CACNA1G: variants seen among roughly 807,000 people sequenced by gnomAD.
CACNA1G encodes the protein calcium voltage-gated channel subunit alpha1 G.
In CACNA1G, 67 loss-of-function variants were observed where a neutral mutation model predicts 219.4. That is an observed-to-expected ratio of 0.31 (90% CI 0.25 to 0.37). CACNA1G has a LOEUF of 0.37. Among genes scored for constraint, CACNA1G ranks in the 10% least tolerant of loss-of-function variants. The pLI is 1.00. For missense variants in CACNA1G, 2,380 were observed against 3,231.4 expected, an observed-to-expected ratio of 0.74 and a Z score of 6.39; for synonymous variants, 1,296 against 1,345.3, an observed-to-expected ratio of 0.96 and a Z score of 0.80.
chr17:50,587,578 G>A (rs779073592), intron 9 of CACNA1G, among the ~76,000 whole-genome samples: 1 of 152,214 alleles, frequency 6.6e-6, no homozygotes, highest in Non-Finnish European at 1.5e-5. Context: ...TTTTTCCATG[G>A]CTCACTGGAG....
intron 23 of CACNA1G, 63 bp from the exon 24 acceptor site, chr17:50,606,837 G>A: frequency 8.2e-7 from 1 of 1,225,102 alleles, no homozygotes. Context: ...TTGGGGGCAG[G>A]TGATAGGTGA....
At position 50,599,507 on chromosome 17, in the gene CACNA1G, T is replaced by C; in HGVS notation, c.3338T>C (p.Leu1113Pro). Residue 1113 changes from leucine (L) to proline (P), a missense_variant, in exon 17 of 38, where the codon CTC becomes CCC. This residue lies in a region of CACNA1G where 418 missense variants were observed against 434.3 expected (regional missense o/e 0.96). Coordinates refer to ENST00000359106, the MANE Select transcript of CACNA1G (RefSeq NM_018896.5). The part of the protein sequence containing the change: ...WTSRRSSRNS[L>P]GRAPSLKRRS... Reference sequence around the variant, plus strand: ...AGCAGGCGCTCCAGCCGGAACAGCCTCGGCCGTGCACCCAGCCTGAAGCGG... The same window carrying C: ...AGCAGGCGCTCCAGCCGGAACAGCCCCGGCCGTGCACCCAGCCTGAAGCGG... 1 of 1,606,350 alleles carries C rather than the reference T, an allele frequency of 6.2e-7. No individual in the cohort carries two copies. Among genetic ancestry groups the C allele is most frequent in the Non-Finnish European group, 8.5e-7 (1 of 1,176,906 alleles).
At position 50,607,934 on chromosome 17, in the gene CACNA1G, C is replaced by A; in HGVS notation, c.4620C>A (p.Phe1540Leu). The A allele has an allele frequency of 6.2e-7, 1 of 1,613,996 alleles. No individual in the cohort carries two copies. Among genetic ancestry groups the A allele is most frequent in the South Asian group, 1.1e-5 (1 of 91,086 alleles). ...NMFVGVVVEN[F>L]HKCRQHQEEE... The stretch of plus-strand genomic sequence containing the variant: ...TTGTGGGTGTGGTGGTGGAGAACTT[C>A]CACAAGTGTCGGCAGCACCAGGAGG... The change falls in exon 25 of 38, where the codon TTC becomes TTA. Residue 1540 changes from phenylalanine to leucine, a missense_variant. Phe to Leu is a conservative substitution (Grantham distance 22). Around this residue, in one of 17 missense-constraint regions of CACNA1G, gnomAD observed 153 missense variants for 374.9 expected, o/e 0.41. Coordinates refer to ENST00000359106, the MANE Select transcript of CACNA1G (RefSeq NM_018896.5).
At position 50,618,253 on chromosome 17, in the gene CACNA1G, G is replaced by A. The variant is rs755721759; in HGVS notation, c.5337G>A (p.Leu1779=). The part of the protein sequence containing the change: ...ECDETHPCEG[L]GRHATFRNFG... ...ACGAGACACACCCCTGTGAGGGCCT[G>A]GGCCGTCATGCCACCTTTCGGAACT... The change falls in exon 32 of 38, where the codon CTG becomes CTA. Residue 1779 remains leucine, a synonymous_variant. Transcript: ENST00000359106. The surrounding 1 kb of genome is among the most constrained non-coding windows in gnomAD (Gnocchi z 5.3). 6.2e-6 allele frequency: 10 copies of A among 1,613,792 alleles called. No homozygotes were observed. The African/African-American group carries it at 9.3e-5, about 15-fold the overall frequency.
chr17:50,606,895 A>C lies in CACNA1G; in HGVS notation c.4423-5A>C. 1 of 1,610,614 alleles carries C rather than the reference A, an allele frequency of 6.2e-7. No homozygotes were observed. Among genetic ancestry groups the C allele is most frequent in the South Asian group, 1.1e-5 (1 of 90,944 alleles). Reference sequence around the variant, plus strand: ...CAAATGTCTCCTTCTCCTCCTCCCCATCAGGCCCTGATGTCCCTGTTCGTT... The same window carrying C: ...CAAATGTCTCCTTCTCCTCCTCCCCCTCAGGCCCTGATGTCCCTGTTCGTT... On this transcript the variant is annotated splice_region_variant and splice_polypyrimidine_tract_variant and intron_variant, in intron 23 of 37. Transcript: ENST00000359106.
intron 37 of CACNA1G, among the ~76,000 whole-genome samples, chr17:50,625,798 G>A (rs917148313): frequency 2.0e-5 from 3 of 152,154 alleles, no homozygotes; most frequent in Non-Finnish European, 4.4e-5. Flanking sequence ...ATGGGGGAGG[G>A]AAGACAGGGT....
At position 50,603,283 on chromosome 17, in the gene CACNA1G, C is replaced by A; in HGVS notation, c.4169+84C>A. 7.8e-7 allele frequency: 1 copy of A among 1,277,666 alleles called. No individual in the cohort carries two copies. Among genetic ancestry groups the A allele is most frequent in the Non-Finnish European group, 1.1e-6 (1 of 921,626 alleles). The allele number at this position is 1,277,666 out of a possible 1,614,324, so 79.1% of individuals were successfully genotyped here. On this transcript the variant is annotated intron_variant, in intron 21 of 37. Transcript: ENST00000359106. The surrounding 1 kb of genome is among the most constrained non-coding windows in gnomAD (Gnocchi z 6.4). ...CTCCCACCGCCAGCACTCCCTGCCA[C>A]GAAACAAAAGCCTGCACAGGCCAGC... is the stretch of plus-strand genomic sequence containing the variant.
rs1445916904 is a variant in CACNA1G, at chr17:50,596,004, G to C, written c.2980-558G>C. Among the ~76,000 whole-genome samples the C allele has an allele frequency of 6.6e-6, 1 of 152,158 alleles. No individual in the cohort carries two copies. The highest frequency in any genetic ancestry group is 1.5e-5 in the Non-Finnish European group (1 of 68,030). On this transcript the variant is annotated intron_variant, in intron 14 of 37. Coordinates refer to ENST00000359106, the MANE Select transcript of CACNA1G (RefSeq NM_018896.5). This position sits in a 1 kb window ranked among gnomAD's most constrained non-coding sequence, Gnocchi z 4.8. ...AGAGACAGGGAGAGAGGTAAAAATG[G>C]GGCCAGGGAGGGGGCCGGGACTTGG...
Position 50,602,737 on chromosome 17 carries a change from G to A in CACNA1G, c.3916-83G>A, listed in dbSNP as rs192987659. 1.0e-5 allele frequency: 13 copies of A among 1,247,722 alleles called. No individual in the cohort carries two copies. In the East Asian group the frequency reaches 2.4e-4, roughly 23 times the overall value. The allele number at this position is 1,247,722 out of a possible 1,614,324, so 77.3% of individuals were successfully genotyped here. A position where few individuals can be genotyped will look rare whatever the true frequency, so the allele number is the denominator to read the frequency against. ...TTTCTGAGTCAAATGTTAGAAGCAG[G>A]TTTTGACTTGTGTATGCAGAGCAGA... On this transcript the variant is annotated intron_variant, in intron 19 of 37. Transcript: ENST00000359106.
intron 9 of CACNA1G, among the ~76,000 whole-genome samples, chr17:50,586,667 A>G (rs1198492474): frequency 6.6e-6 from 1 of 152,194 alleles, no homozygotes; most frequent in East Asian, 1.9e-4. Context: ...TACCCTGTTT[A>G]ACAGAAGAGG....
chr17:50,595,447 C>T (rs531244337), intron 14 of CACNA1G, among the ~76,000 whole-genome samples: 29 of 152,362 alleles, frequency 1.9e-4, no homozygotes, highest in Admixed American at 1.8e-3. Context: ...AAGATCTGGC[C>T]GTAGACCATA....
rs2048289194 is a variant in CACNA1G at position 50,607,952 on chromosome 17, C to G, written c.4638C>G (p.His1546Gln). 3 of 1,613,800 alleles carry G rather than the reference C, an allele frequency of 1.9e-6. No individual in the cohort carries two copies. Among genetic ancestry groups the G allele is most frequent in the Non-Finnish European group, 2.5e-6 (3 of 1,179,846 alleles). ...VVENFHKCRQ[H>Q]QEEEEARRRE... ...AGAACTTCCACAAGTGTCGGCAGCA[C>G]CAGGAGGAAGAGGAGGCCCGGCGGC... Residue 1546 changes from histidine (H) to glutamine (Q), a missense_variant, in exon 25 of 38, where the codon CAC becomes CAG. By Grantham distance (24) the His-to-Gln change is conservative. Coordinates refer to ENST00000359106, the MANE Select transcript of CACNA1G (RefSeq NM_018896.5).
At chr17:50,567,092 C>G (rs1238969087) in intron 1 of CACNA1G, among the ~76,000 whole-genome samples, 1 of 152,238 alleles carries the variant, frequency 6.6e-6, no homozygotes, top group East Asian at 1.9e-4. Flanking sequence ...CTTCCTGTCC[C>G]CCTTTTTCCA....
chr17:50,621,537 C>G lies in CACNA1G; in HGVS notation c.5926-123C>G. 1 of 1,099,044 alleles carries G rather than the reference C, an allele frequency of 9.1e-7. No homozygotes were observed. Among genetic ancestry groups the G allele is most frequent in the African/African-American group, 1.6e-5 (1 of 64,010 alleles). The allele number at this position is 1,099,044 out of a possible 1,614,324, so 68.1% of individuals were successfully genotyped here. ...GGGGAGAGAGAAGGGATGCCTTTTT[C>G]CCGCCCCCCTGTGCTTCGTGAAAAG... On this transcript the variant is annotated intron_variant, in intron 34 of 37. Transcript: ENST00000359106. This position sits in a 1 kb window ranked among gnomAD's most constrained non-coding sequence, Gnocchi z 4.6.
At chr17:50,602,293 C>T (rs530884552) in intron 19 of CACNA1G, among the ~76,000 whole-genome samples, 318 of 152,368 alleles carry the variant, frequency 2.1e-3, no homozygotes, top group African/African-American at 7.0e-3. Flanking sequence ...GGGAGGGACT[C>T]AGTCCACAGA....
At chr17:50,608,288 A>G in intron 25 of CACNA1G, among the ~76,000 whole-genome samples, 1 of 151,982 alleles carries the variant, frequency 6.6e-6, no homozygotes, top group East Asian at 1.9e-4. Flanking sequence ...GATGATGCCA[A>G]ATGGAGGTTG....
chr17:50,598,098 A>G (rs2045922224), intron 16 of CACNA1G, among the ~76,000 whole-genome samples: 1 of 151,868 alleles, frequency 6.6e-6, no homozygotes, highest in Non-Finnish European at 1.5e-5. Context: ...ATCTCAACTC[A>G]CTGCATGCAA....
chr17:50,601,020 C>A (rs1285331679), intron 18 of CACNA1G, 31 bp from the exon 19 acceptor site: 2 of 1,608,794 alleles, frequency 1.2e-6, no homozygotes. Flanking sequence ...CCTGCCTCCC[C>A]CTCTCAGCCG....
chr17:50,572,456 A>T, intron 5 of CACNA1G, 98 bp from the exon 6 acceptor site: 1 of 1,036,106 alleles, frequency 9.7e-7, no homozygotes, highest in Non-Finnish European at 1.4e-6. Flanking sequence ...TGCTCACCCT[A>T]TATGCCTCGA....
Sources: gnomAD v4.1 joint callset for allele counts (sites outside exome capture counted in the v4.1 genomes callset) on GRCh38, gnomAD v4.1.1 for gene constraint, gnomAD v4.1.1 regional missense constraint, Gnocchi (gnomAD v3.1) non-coding constraint, MANE v1.5 for transcripts, NCBI Gene and HGNC (gene_info 2026-07-23, HGNC 2026-07-21) for gene names.